The following KRT72 variants were observed in gnomAD, a reference collection of about 807,000 sequenced individuals.
KRT72 encodes the protein keratin, type II cytoskeletal 72.
In KRT72, 44 loss-of-function variants were observed where a neutral mutation model predicts 44.7. The observed-to-expected ratio is 0.98, with a 90% CI of 0.77 to 1.27. KRT72 has a LOEUF of 1.27. Ranked by LOEUF, KRT72 falls within the 50% of genes most tolerant of loss-of-function variation. KRT72 has a pLI of 0.00. For synonymous variants in KRT72, 302 were observed against 280.4 expected (o/e 1.08, Z -0.77); for missense variants, 736 against 667.1 (o/e 1.10, Z -1.14).
At chr12:52,589,810 C>A (rs1350420920) in intron 6 of KRT72, among the ~76,000 whole-genome samples, 4 of 152,220 alleles carry the variant, frequency 2.6e-5, no homozygotes, top group African/African-American at 9.6e-5. Flanking sequence ...GTAATAACTT[C>A]GTCCAACCAT....
intron 4 of KRT72, 28 bp downstream of exon 4, chr12:52,592,368 T>A: frequency 6.7e-7 from 1 of 1,490,518 alleles, no homozygotes; most frequent in Non-Finnish European, 9.4e-7. Context: ...GGAGCAGATC[T>A]CACAAGAGAG....
At chr12:52,591,094 C>A (rs1939998272) in intron 5 of KRT72, 133 bp from the exon 6 acceptor site, 1 of 885,854 alleles carries the variant, frequency 1.1e-6, no homozygotes, top group East Asian at 2.6e-5. Flanking sequence ...AGAGCCTTGG[C>A]AGAGTGTGAA....
At chr12:52,593,634 G>T (rs773804484) in intron 2 of KRT72, among the ~76,000 whole-genome samples, 64 of 152,128 alleles carry the variant, frequency 4.2e-4, no homozygotes, top group Non-Finnish European at 8.7e-4. Flanking sequence ...AATGCTAAAT[G>T]GATAAGCAAA....
At position 52,601,330 on chromosome 12, in the gene KRT72, C is replaced by G. The variant is rs1173786556; in HGVS notation, c.123G>C (p.Ser41=). ...AGAGGCTCTTGCTGCCAAAGGAGGC[C>G]GAGCCCTTGACCCGGGCCCGGAATG... ...SASFRARVKG[S]ASFGSKSLSC... The change falls in exon 1 of 9, where the codon TCG becomes TCC. Residue 41 remains serine, a synonymous_variant. Transcript: ENST00000293745. 12 of 1,545,216 alleles carry G rather than the reference C, an allele frequency of 7.8e-6. No homozygotes were observed. The highest frequency in any genetic ancestry group is 1.0e-5 in the Non-Finnish European group (12 of 1,146,914).
chr12:52,591,804 A>G (rs1940043175), intron 4 of KRT72, among the ~76,000 whole-genome samples, 176 bp from the exon 5 acceptor site: 1 of 152,068 alleles, frequency 6.6e-6, no homozygotes, highest in African/African-American at 2.4e-5. Context: ...TTCAGCCCCA[A>G]ACGCTGAGAC....
chr12:52,586,442 C>T (rs1939748463), intron 8 of KRT72, among the ~76,000 whole-genome samples: 1 of 152,216 alleles, frequency 6.6e-6, no homozygotes, highest in Non-Finnish European at 1.5e-5. Flanking sequence ...TGAAGAGAGG[C>T]ACTTCCCAGG....
chr12:52,587,068 C>A (rs192539689), intron 7 of KRT72, 88 bp from the exon 8 acceptor site: 2 of 1,268,596 alleles, frequency 1.6e-6, no homozygotes, highest in East Asian at 2.3e-5. Flanking sequence ...AGCCTCTCCA[C>A]GCAGAATGTG....
At chr12:52,601,479 G>C (rs2120827849), upstream of KRT72, 5 of 1,530,478 alleles carry the variant, frequency 3.3e-6, no homozygotes, top group Non-Finnish European at 4.4e-6. Context: ...TGCTGGCCGC[G>C]CGGGAGGCAG....
chr12:52,585,992 G>A lies in KRT72; in HGVS notation c.1526C>T (p.Ala509Val), dbSNP rs1939727062. The A allele has an allele frequency of 1.2e-6, 2 of 1,612,898 alleles. No individual in the cohort carries two copies. Among genetic ancestry groups the A allele is most frequent in the South Asian group, 2.2e-5 (2 of 90,990 alleles). ...TSGSSCATKK[A>V]SR ...CCAACCACTTGTCCATCATCTGGAGGCCTTTTTGGTGGCACAGCTGCTCCC... is the reference window on the plus strand; with the variant it reads ...CCAACCACTTGTCCATCATCTGGAGACCTTTTTGGTGGCACAGCTGCTCCC... The change falls in exon 9 of 9, where the codon GCC becomes GTC. Residue 509 changes from alanine to valine, a missense_variant. By Grantham distance (64) the Ala-to-Val change is moderately conservative. Transcript: ENST00000293745.
At chr12:52,594,279 A>G (rs1940161116) in intron 2 of KRT72, among the ~76,000 whole-genome samples, 1 of 152,234 alleles carries the variant, frequency 6.6e-6, no homozygotes, top group African/African-American at 2.4e-5. Context: ...AAAGGATTAT[A>G]AATCATGCTA....
chr12:52,595,986 T>A (rs1265825315), intron 2 of KRT72, among the ~76,000 whole-genome samples: 3 of 143,570 alleles, frequency 2.1e-5, no homozygotes, highest in African/African-American at 8.1e-5. Context: ...TGATCTTTAA[T>A]GGTGAGTCAT....
chr12:52,587,609 A>C (rs1291825193), intron 7 of KRT72, 22 bp downstream of exon 7: 2 of 1,613,264 alleles, frequency 1.2e-6, no homozygotes, highest in Non-Finnish European at 1.7e-6. Context: ...TGGTCCCGAC[A>C]CAAGGGTATC....
Position 52,599,242 on chromosome 12 carries a change from G to C in KRT72, c.427-130C>G, listed in dbSNP as rs1210262924. On this transcript the variant is annotated intron_variant, in intron 1 of 8. Transcript: ENST00000293745. ...GTAGGAGAAAACAAGGCTTATCCCG[G>C]GGTGGATTCAGCCGAGGGACATGCT... 3 of 828,526 alleles carry C rather than the reference G, an allele frequency of 3.6e-6. No homozygotes were observed. In the East Asian group the frequency reaches 8.0e-5, roughly 22 times the overall value. The allele number at this position is 828,526 out of a possible 1,614,324, so 51.3% of individuals were successfully genotyped here. A position where few individuals can be genotyped will look rare whatever the true frequency, so the allele number is the denominator to read the frequency against.
intron 1 of KRT72, 111 bp downstream of exon 1, chr12:52,600,916 C>T: frequency 4.4e-6 from 5 of 1,148,016 alleles, no homozygotes; most frequent in South Asian, 1.5e-5. Context: ...AAAAGGGAGG[C>T]TCGGAGAGGT....
intron 6 of KRT72, among the ~76,000 whole-genome samples, chr12:52,590,455 G>A (rs559914825): frequency 9.2e-5 from 14 of 152,280 alleles, no homozygotes; most frequent in African/African-American, 3.4e-4. Flanking sequence ...GGTGTACCCT[G>A]CTCCCTGCCA....
chr12:52,587,972 C>A (rs1222673417), intron 6 of KRT72, 121 bp from the exon 7 acceptor site: 15 of 956,044 alleles, frequency 1.6e-5, no homozygotes, highest in Middle Eastern at 2.2e-4. Context: ...CCTGGTTTAT[C>A]CAACTTTGGC....
At chr12:52,587,097 A>C in intron 7 of KRT72, 117 bp from the exon 8 acceptor site, 1 of 911,858 alleles carries the variant, frequency 1.1e-6, no homozygotes, top group Non-Finnish European at 1.8e-6. Context: ...AACCCATCCT[A>C]GCCTCCTTTC....
At chr12:52,599,473 A>G (rs970116963) in intron 1 of KRT72, 50 of 464,054 alleles carry the variant, frequency 1.1e-4, no homozygotes, top group African/African-American at 8.2e-4. Flanking sequence ...TGGAAAGCAC[A>G]CTGGCATTTA....
At chr12:52,587,449 G>A (rs991957375) in intron 7 of KRT72, among the ~76,000 whole-genome samples, 182 bp downstream of exon 7, 1 of 152,050 alleles carries the variant, frequency 6.6e-6, no homozygotes, top group Admixed American at 6.6e-5. Flanking sequence ...ACAGCCTTTG[G>A]GATTTTTTAC....
Sources: allele counts gnomAD v4.1 joint callset (sites outside exome capture counted in the v4.1 genomes callset), GRCh38; gene constraint gnomAD v4.1.1; transcripts MANE v1.5; gene names NCBI Gene and HGNC (gene_info 2026-07-23, HGNC 2026-07-21).